The following ELF1 variants were observed in gnomAD, a reference collection of about 807,000 sequenced individuals.
ELF1 encodes the protein ETS-related transcription factor Elf-1.
Under a neutral mutation model 59.9 loss-of-function variants are expected in ELF1, and 24 were observed. That is an observed-to-expected ratio of 0.40 (90% CI 0.29 to 0.56). The LOEUF (loss-of-function observed/expected upper bound fraction) is 0.56, where lower values mean the gene tolerates loss of function less well. Among genes scored for constraint, ELF1 ranks in the 20% least tolerant of loss-of-function variants. The pLI is 0.44. For synonymous variants in ELF1, 248 were observed against 266.2 expected (o/e 0.93, Z 0.67); for missense variants, 627 against 742.2 (o/e 0.84, Z 1.80).
chr13:41,000,725 C>T (rs1056502107), intron 1 of ELF1, among the ~76,000 whole-genome samples: 4 of 151,998 alleles, frequency 2.6e-5, no homozygotes, highest in African/African-American at 9.7e-5. Flanking sequence ...TACCTAATGT[C>T]TAATAAGTTC....
At chr13:40,960,381 T>C (rs1379737943) in intron 2 of ELF1, among the ~76,000 whole-genome samples, 1 of 152,232 alleles carries the variant, frequency 6.6e-6, no homozygotes, top group Non-Finnish European at 1.5e-5. Flanking sequence ...AGTTCTTTGC[T>C]CTTTGTCTTT....
chr13:41,050,948 TC>T (rs1419801145), intron 1 of ELF1, among the ~76,000 whole-genome samples: 2 of 152,216 alleles, frequency 1.3e-5, no homozygotes, highest in Admixed American at 6.5e-5. Flanking sequence ...AGTTTCAGTT[TC>T]TTCACATCCT....
At chr13:41,022,772 A>G (rs183253173), upstream of ELF1, among the ~76,000 whole-genome samples, 447 of 152,198 alleles carry the variant, frequency 2.9e-3, 2 homozygotes, top group African/African-American at 0.01. Context: ...TCAGCTACTC[A>G]GGAGGCTGAG....
chr13:41,028,734 T>C (rs1876047845), intron 1 of ELF1, among the ~76,000 whole-genome samples: 1 of 152,180 alleles, frequency 6.6e-6, no homozygotes, highest in Admixed American at 6.5e-5. Context: ...GTATTGCTAA[T>C]TTATTTTTTA....
At chr13:41,047,013 C>T (rs1359384964) in intron 1 of ELF1, among the ~76,000 whole-genome samples, 4 of 152,158 alleles carry the variant, frequency 2.6e-5, no homozygotes. Flanking sequence ...AACTTCTCTT[C>T]TCGCTTCATT....
chr13:40,943,484 G>T (rs1057259876), intron 6 of ELF1, among the ~76,000 whole-genome samples: 4 of 152,114 alleles, frequency 2.6e-5, no homozygotes, highest in Non-Finnish European at 5.9e-5. Context: ...GAGCCAGCAG[G>T]TCGGCCATAA....
At chr13:41,002,879 G>T (rs1262372800) in intron 1 of ELF1, among the ~76,000 whole-genome samples, 4 of 152,036 alleles carry the variant, frequency 2.6e-5, no homozygotes, top group African/African-American at 9.7e-5. Flanking sequence ...CATCTCTTAA[G>T]ATTATAAGCT....
intron 2 of ELF1, among the ~76,000 whole-genome samples, chr13:40,980,412 T>C (rs1389333113): frequency 6.6e-6 from 1 of 152,166 alleles, no homozygotes; most frequent in Non-Finnish European, 1.5e-5. Context: ...CATGCTGATG[T>C]TAAGCTAACA....
chr13:41,008,522 T>G (rs966024931), intron 1 of ELF1, among the ~76,000 whole-genome samples: 37 of 152,258 alleles, frequency 2.4e-4, no homozygotes, highest in African/African-American at 8.9e-4. Context: ...TGTCAACATT[T>G]GCAATACCCA....
intron 1 of ELF1, among the ~76,000 whole-genome samples, chr13:41,033,074 G>A (rs960290423): frequency 5.3e-5 from 8 of 152,246 alleles, no homozygotes; most frequent in African/African-American, 1.9e-4. Flanking sequence ...TGATAAAAGA[G>A]AAAAGAAAGG....
At chr13:40,955,312 C>G (rs1385572911) in intron 3 of ELF1, among the ~76,000 whole-genome samples, 1 of 146,506 alleles carries the variant, frequency 6.8e-6, no homozygotes, top group Non-Finnish European at 1.5e-5. Flanking sequence ...CCGCCCCGTC[C>G]GGAAGGGAGG....
intron 3 of ELF1, chr13:40,951,637 G>A: frequency 2.9e-6 from 1 of 341,892 alleles, no homozygotes; most frequent in East Asian, 4.9e-5. Context: ...TTGGGAAGCC[G>A]AGGCAAGCAG....
At position 40,942,386 on chromosome 13, in the gene ELF1, G is replaced by A. The variant is rs562857844; in HGVS notation, c.806+566C>T. On this transcript the variant is annotated intron_variant, in intron 7 of 8. Transcript: ENST00000239882. ...TTGAAGGATAAATGACAGAATCACC[G>A]AAAAACGAACTAAAAGTGAGCTTAA... 1.5e-3 allele frequency among the ~76,000 whole-genome samples: 225 copies of A among 152,210 alleles called. 1 individual carries two copies. Among genetic ancestry groups the A allele is most frequent in the African/African-American group, 4.9e-3 (203 of 41,524 alleles).
rs143845998 is a variant in ELF1, at chr13:40,976,792, G to A, written c.72+5191C>T. ...TGCTCTCATGTGATATACACCACCCGCTTTGGCCTCCCAAAGTGCTGGGAT... is the reference window on the plus strand; with the variant it reads ...TGCTCTCATGTGATATACACCACCCACTTTGGCCTCCCAAAGTGCTGGGAT... On this transcript the variant is annotated intron_variant, in intron 2 of 8. Coordinates refer to ENST00000239882, the MANE Select transcript of ELF1 (RefSeq NM_172373.4). Among the ~76,000 whole-genome samples the A allele has an allele frequency of 2.7e-3, 409 of 152,152 alleles. 4 individuals carry two copies. The East Asian group carries it at 0.051, about 19-fold the overall frequency.
At chr13:40,947,617 C>A (rs971696553) in intron 5 of ELF1, among the ~76,000 whole-genome samples, 2 of 152,208 alleles carry the variant, frequency 1.3e-5, no homozygotes, top group African/African-American at 4.8e-5. Flanking sequence ...GTAATTAACA[C>A]AGATGTAGCC....
Position 40,967,505 on chromosome 13 carries a change from G to A in ELF1, c.73-8489C>T, listed in dbSNP as rs764195308. 9.0e-4 allele frequency among the ~76,000 whole-genome samples: 137 copies of A among 152,288 alleles called. 2 individuals carry two copies. In the Middle Eastern group the frequency reaches 0.027, roughly 30 times the overall value. On this transcript the variant is annotated intron_variant, in intron 2 of 8. Coordinates refer to ENST00000239882, the MANE Select transcript of ELF1 (RefSeq NM_172373.4). ...TAGTAAGCAATAAATAAAATGTTTT[G>A]ATGATTAAAGCCCTTCAATATTTGA... is the stretch of plus-strand genomic sequence containing the variant.
upstream of ELF1, among the ~76,000 whole-genome samples, chr13:41,020,001 A>G (rs529169668): frequency 5.3e-5 from 8 of 152,378 alleles, no homozygotes; most frequent in South Asian, 1.4e-3. Context: ...CCCTTTTAAA[A>G]AAGTATTGGT....
chr13:40,942,222 A>G (rs1027185189), intron 7 of ELF1, among the ~76,000 whole-genome samples: 3 of 152,200 alleles, frequency 2.0e-5, no homozygotes, highest in Non-Finnish European at 4.4e-5. Context: ...TAAAAAGTGT[A>G]TGTTAAAAAA....
chr13:41,011,590 C>T (rs556051897), intron 1 of ELF1, among the ~76,000 whole-genome samples: 1 of 152,070 alleles, frequency 6.6e-6, no homozygotes, highest in South Asian at 2.1e-4. Flanking sequence ...ACTACAGTCA[C>T]TCACCATCAT....
Sources: allele counts gnomAD v4.1 joint callset (sites outside exome capture counted in the v4.1 genomes callset), GRCh38; gene constraint gnomAD v4.1.1; transcripts MANE v1.5; gene names NCBI Gene and HGNC (gene_info 2026-07-23, HGNC 2026-07-21).